The following CDH13 variants were observed in gnomAD, a reference collection of about 807,000 sequenced individuals.
The protein encoded by CDH13 is cadherin 13, also known as cadherin-13.
In CDH13, 24 loss-of-function variants were observed where a neutral mutation model predicts 63.8. The observed-to-expected ratio is 0.38, with a 90% CI of 0.27 to 0.53. The LOEUF (loss-of-function observed/expected upper bound fraction) is 0.53. Among genes scored for constraint, CDH13 ranks in the 20% least tolerant of loss-of-function variants. CDH13 has a pLI of 0.85. For synonymous variants in CDH13, 503 were observed against 355.3 expected (o/e 1.42, Z -4.67); for missense variants, 1,049 against 903.1 (o/e 1.16, Z -2.07).
At chr16:83,149,686 C>T (rs28654838) in intron 4 of CDH13, among the ~76,000 whole-genome samples, 2,285 of 152,206 alleles carry the variant, frequency 0.015, 68 homozygotes, top group African/African-American at 0.052. Context: ...TCATCAGTAG[C>T]AATTTCTCAA....
intron 11 of CDH13, among the ~76,000 whole-genome samples, chr16:83,759,672 A>G (rs1414641088): frequency 2.6e-5 from 4 of 152,176 alleles, no homozygotes; most frequent in Non-Finnish European, 5.9e-5. Flanking sequence ...ATGCCCTATA[A>G]TCCCAGCACC....
chr16:83,086,649 A>G (rs1329768273), intron 3 of CDH13, among the ~76,000 whole-genome samples: 5 of 152,210 alleles, frequency 3.3e-5, no homozygotes, highest in African/African-American at 1.2e-4. Flanking sequence ...CCATGCTTTG[A>G]AATTAAGTTT....
chr16:82,934,886 A>G (rs972613643), intron 2 of CDH13, among the ~76,000 whole-genome samples: 8 of 152,356 alleles, frequency 5.3e-5, no homozygotes, highest in African/African-American at 1.4e-4. Flanking sequence ...AAGCCATTCA[A>G]CAAGTATCTA....
intron 8 of CDH13, among the ~76,000 whole-genome samples, chr16:83,666,054 A>G (rs1913921142): frequency 1.3e-5 from 2 of 152,196 alleles, no homozygotes; most frequent in Admixed American, 6.5e-5. Context: ...TACGTTTTAT[A>G]TCTTGTATTT....
chr16:83,095,310 G>C (rs1445948977), intron 3 of CDH13, among the ~76,000 whole-genome samples: 1 of 152,128 alleles, frequency 6.6e-6, no homozygotes, highest in Non-Finnish European at 1.5e-5. Flanking sequence ...CATGGTACTG[G>C]TGTAGTAATG....
chr16:83,786,670 C>T (rs1334677421), intron 13 of CDH13, among the ~76,000 whole-genome samples: 1 of 152,056 alleles, frequency 6.6e-6, no homozygotes, highest in African/African-American at 2.4e-5. Context: ...TTACTGCAAC[C>T]TCCGTCTCCC....
intron 5 of CDH13, among the ~76,000 whole-genome samples, chr16:83,260,657 AAAGG>A (rs1167678099): frequency 6.6e-6 from 1 of 152,154 alleles, no homozygotes; most frequent in Non-Finnish European, 1.5e-5. Flanking sequence ...ACTGAACAGC[AAAGG>A]AAGAGAAAAA....
intron 6 of CDH13, among the ~76,000 whole-genome samples, chr16:83,395,078 G>C (rs1256648771): frequency 2.0e-5 from 3 of 150,648 alleles, no homozygotes; most frequent in Non-Finnish European, 2.9e-5. Context: ...AACCCAGGAG[G>C]CAGAGGTTGC....
At chr16:83,264,307 T>C (rs1907335407) in intron 5 of CDH13, among the ~76,000 whole-genome samples, 1 of 152,212 alleles carries the variant, frequency 6.6e-6, no homozygotes, top group Non-Finnish European at 1.5e-5. Context: ...TATGGTCAGC[T>C]TGAACTCTCA....
chr16:83,160,893 A>C (rs72800239), intron 4 of CDH13, among the ~76,000 whole-genome samples: 16,270 of 152,210 alleles, frequency 0.11, 948 homozygotes, highest in Middle Eastern at 0.21. Context: ...TGTTATGTCT[A>C]ATTCCTCCAG....
At chr16:83,300,430 A>G (rs2089706687) in intron 5 of CDH13, among the ~76,000 whole-genome samples, 2 of 152,222 alleles carry the variant, frequency 1.3e-5, no homozygotes, top group Admixed American at 6.5e-5. Context: ...ATTTTCTCAA[A>G]CCTGGAAGGG....
At chr16:83,205,434 C>T (rs938827184) in intron 4 of CDH13, among the ~76,000 whole-genome samples, 9 of 152,048 alleles carry the variant, frequency 5.9e-5, no homozygotes, top group African/African-American at 7.2e-5. Context: ...CATCTTTCAG[C>T]GCATCTCCCA....
intron 2 of CDH13, among the ~76,000 whole-genome samples, chr16:82,921,534 T>C (rs1444540114): frequency 2.6e-5 from 4 of 152,220 alleles, no homozygotes; most frequent in Non-Finnish European, 5.9e-5. Flanking sequence ...TTCAATCACA[T>C]ATGCACAGAC....
intron 7 of CDH13, among the ~76,000 whole-genome samples, chr16:83,570,149 G>C (rs1317813788): frequency 6.6e-6 from 1 of 152,132 alleles, no homozygotes; most frequent in Non-Finnish European, 1.5e-5. Context: ...TTGTTGGCCA[G>C]AAAGCAAAGC....
At chr16:82,998,066 G>C (rs72792165) in intron 2 of CDH13, among the ~76,000 whole-genome samples, 1 of 152,196 alleles carries the variant, frequency 6.6e-6, no homozygotes, top group Non-Finnish European at 1.5e-5. Flanking sequence ...TCATGGCAGA[G>C]TTGGTGACCA....
chr16:82,763,486 A>G (rs924653179), intron 1 of CDH13, among the ~76,000 whole-genome samples: 1 of 152,224 alleles, frequency 6.6e-6, no homozygotes, highest in Non-Finnish European at 1.5e-5. Context: ...GAATGAAAGA[A>G]AAAATGAAAA....
intron 5 of CDH13, among the ~76,000 whole-genome samples, chr16:83,286,083 C>T (rs570131505): frequency 4.9e-4 from 74 of 152,256 alleles, no homozygotes; most frequent in African/African-American, 1.7e-3. Context: ...GTTCCTCCTC[C>T]TTGTCTGGCA....
chr16:83,180,655 G>A (rs1366117837), intron 4 of CDH13, among the ~76,000 whole-genome samples: 2 of 152,124 alleles, frequency 1.3e-5, no homozygotes, highest in Non-Finnish European at 2.9e-5. Flanking sequence ...ATATTATCTT[G>A]GAACTATGCA....
chr16:82,666,404 C>T lies in CDH13; in HGVS notation c.45+39267C>T, dbSNP rs145981512. Among the ~76,000 whole-genome samples the T allele has an allele frequency of 2.0e-3, 303 of 152,352 alleles. 1 individual carries two copies. The highest frequency in any genetic ancestry group is 6.8e-3 in the African/African-American group (282 of 41,582). Reference sequence around the variant, plus strand: ...ACAATGAGGCCACCATCAGCCCTCCCTCTCCAATCAATGGATGACCATACA... The same window carrying T: ...ACAATGAGGCCACCATCAGCCCTCCTTCTCCAATCAATGGATGACCATACA... On this transcript the variant is annotated intron_variant, in intron 1 of 13. Transcript: ENST00000567109.
Sources: allele counts gnomAD v4.1 joint callset (sites outside exome capture counted in the v4.1 genomes callset), GRCh38; gene constraint gnomAD v4.1.1; transcripts MANE v1.5; gene names NCBI Gene and HGNC (gene_info 2026-07-23, HGNC 2026-07-21).